The following SLC9C1 variants were observed in gnomAD, a reference collection of about 807,000 sequenced individuals.
SLC9C1 encodes the protein solute carrier family 9 member C1, also known as sodium/hydrogen exchanger 10.
Under a neutral mutation model 140.9 loss-of-function variants are expected in SLC9C1, and 97 were observed. The ratio of observed to expected loss-of-function variants is 0.69; its 90% CI spans 0.58 to 0.82. SLC9C1 has a LOEUF of 0.82. Ranked by LOEUF, SLC9C1 falls within the 40% of genes least tolerant of loss-of-function variation. The pLI, the probability that SLC9C1 is intolerant of heterozygous loss-of-function variation, is 0.00. For synonymous variants in SLC9C1, 440 were observed against 442.6 expected, an observed-to-expected ratio of 0.99 and a Z score of 0.07; for missense variants, 1,340 against 1,389.3, an observed-to-expected ratio of 0.96 and a Z score of 0.56.
chr3:112,263,195 A>G (rs2079825943), intron 9 of SLC9C1, 97 bp from the exon 10 acceptor site: 2 of 1,018,068 alleles, frequency 2.0e-6, no homozygotes, highest in Non-Finnish European at 2.7e-6. Flanking sequence ...TAGAATTCCT[A>G]ACTCTCAAAC....
chr3:112,144,684 T>C (rs565881659), intron 28 of SLC9C1, among the ~76,000 whole-genome samples: 1 of 152,238 alleles, frequency 6.6e-6, no homozygotes, highest in East Asian at 1.9e-4. Flanking sequence ...CATGTATTCC[T>C]AAGGTTTGTG....
intron 14 of SLC9C1, among the ~76,000 whole-genome samples, chr3:112,217,929 T>C (rs1305378232): frequency 6.6e-6 from 1 of 152,218 alleles, no homozygotes; most frequent in Non-Finnish European, 1.5e-5. Context: ...ACTTGCTTGC[T>C]AATCTACAAA....
At chr3:112,250,078 A>C in intron 10 of SLC9C1, among the ~76,000 whole-genome samples, 1 of 135,068 alleles carries the variant, frequency 7.4e-6, no homozygotes. Flanking sequence ...CCACCCCACA[A>C]CAGTCCCCAG....
chr3:112,160,844 C>A (rs536561993), intron 26 of SLC9C1, among the ~76,000 whole-genome samples: 50 of 152,100 alleles, frequency 3.3e-4, no homozygotes, highest in Middle Eastern at 3.4e-3. Flanking sequence ...GGAATTGCCA[C>A]ACTGACTTCC....
intron 23 of SLC9C1, among the ~76,000 whole-genome samples, chr3:112,172,080 C>T (rs1176466195): frequency 1.3e-5 from 2 of 152,058 alleles, no homozygotes; most frequent in East Asian, 3.9e-4. Flanking sequence ...ATTATAGGTC[C>T]TCTGCATTTT....
chr3:112,174,038 G>A (rs1420185232), intron 23 of SLC9C1, among the ~76,000 whole-genome samples: 1 of 152,156 alleles, frequency 6.6e-6, no homozygotes, highest in Non-Finnish European at 1.5e-5. Context: ...AATGGTTAGT[G>A]ATCGTCAGAA....
intron 23 of SLC9C1, among the ~76,000 whole-genome samples, chr3:112,177,753 A>T (rs1013985446): frequency 1.3e-4 from 20 of 150,244 alleles, no homozygotes; most frequent in African/African-American, 4.6e-4. Flanking sequence ...TAGAAAAAAA[A>T]TCACATTTGC....
intron 13 of SLC9C1, among the ~76,000 whole-genome samples, chr3:112,227,962 T>A (rs887321375): frequency 2.0e-5 from 3 of 152,004 alleles, no homozygotes; most frequent in African/African-American, 7.2e-5. Flanking sequence ...GAAGAACAAA[T>A]CTTGTTAAAA....
chr3:112,240,872 C>G (rs1219311682), intron 11 of SLC9C1, among the ~76,000 whole-genome samples: 1 of 151,860 alleles, frequency 6.6e-6, no homozygotes, highest in East Asian at 1.9e-4. Context: ...AAGCCACACA[C>G]AGAAAGACAA....
At position 112,243,304 on chromosome 3, in the gene SLC9C1, A is replaced by G. The variant is rs189327625; in HGVS notation, c.1279+691T>C. Among the ~76,000 whole-genome samples the G allele has an allele frequency of 2.6e-4, 39 of 152,356 alleles. 1 individual carries two copies. In the East Asian group the frequency reaches 7.3e-3, roughly 29 times the overall value. On this transcript the variant is annotated intron_variant, in intron 11 of 28. Transcript: ENST00000305815. ...GTGGAATGGATAAAGAAAATGTGGT[A>G]CAGATACACCATTGAATACTATGCA...
At chr3:112,220,857 G>A (rs975481768) in intron 14 of SLC9C1, among the ~76,000 whole-genome samples, 7 of 67,892 alleles carry the variant, frequency 1.0e-4, no homozygotes, top group African/African-American at 3.3e-4. Flanking sequence ...TTTGGCAGGG[G>A]GGGACAAAGA....
At chr3:112,228,448 A>C (rs920132289) in intron 13 of SLC9C1, among the ~76,000 whole-genome samples, 1 of 152,094 alleles carries the variant, frequency 6.6e-6, no homozygotes, top group African/African-American at 2.4e-5. Flanking sequence ...AACGGAGGAG[A>C]AACACTTCAA....
chr3:112,150,839 T>TAA (rs2074951402), intron 28 of SLC9C1, among the ~76,000 whole-genome samples: 1 of 44,530 alleles, frequency 2.2e-5, no homozygotes, highest in African/African-American at 1.6e-4. Context: ...TATATATATA[T>TAA]ATTTTTTTTT....
rs570266469 is a variant in SLC9C1, at chr3:112,160,992, G to A, written c.3365-5943C>T. On this transcript the variant is annotated intron_variant, in intron 26 of 28. Coordinates refer to ENST00000305815, the MANE Select transcript of SLC9C1 (RefSeq NM_183061.3). ...TGGTGTGAGATGGTATCTCATTGTG[G>A]TTTTGATTTGCATTTCTCTGATGAC... Among the ~76,000 whole-genome samples, 364 of 152,250 alleles carry A rather than the reference G, an allele frequency of 2.4e-3. 2 individuals are homozygous for A. Among genetic ancestry groups the A allele is most frequent in the African/African-American group, 8.0e-3 (332 of 41,544 alleles).
chr3:112,252,961 CA>C (rs2079505152), intron 10 of SLC9C1, among the ~76,000 whole-genome samples: 1 of 152,104 alleles, frequency 6.6e-6, no homozygotes, highest in Non-Finnish European at 1.5e-5. Flanking sequence ...AGCAGGCCAC[CA>C]TTTTTCTGTT....
intron 20 of SLC9C1, among the ~76,000 whole-genome samples, chr3:112,196,656 C>T (rs1241543594): frequency 6.6e-6 from 1 of 152,054 alleles, no homozygotes; most frequent in African/African-American, 2.4e-5. Flanking sequence ...CTCAAATCTG[C>T]CTTTGAATCC....
chr3:112,172,770 T>C (rs2077269071), intron 23 of SLC9C1, among the ~76,000 whole-genome samples: 1 of 152,158 alleles, frequency 6.6e-6, no homozygotes, highest in Admixed American at 6.5e-5. Context: ...TGTAAAATTC[T>C]CTTTGTTCTA....
intron 26 of SLC9C1, among the ~76,000 whole-genome samples, chr3:112,160,876 A>T (rs1414408463): frequency 6.6e-6 from 1 of 152,238 alleles, no homozygotes; most frequent in Non-Finnish European, 1.5e-5. Context: ...ACTAGTTTAC[A>T]GTCCCACCAA....
Position 112,263,019 on chromosome 3 carries a change from C to T in SLC9C1, c.1102G>A (p.Val368Ile). ...EFSWRWIFIM[V>I]CSEMKGMPNI... ...GGCATCCCCTTCATTTCACTACAGACCATTATGAATATCCAGCGCCAACTG... is the reference window on the plus strand; with the variant it reads ...GGCATCCCCTTCATTTCACTACAGATCATTATGAATATCCAGCGCCAACTG... The change falls in exon 10 of 29, where the codon GTC (valine) becomes ATC (isoleucine). Residue 368 changes from valine (V) to isoleucine (I), a missense_variant. Physicochemically the swap from Val to Ile is conservative, Grantham distance 29. Transcript: ENST00000305815. The T allele has an allele frequency of 1.9e-6, 3 of 1,607,616 alleles. No homozygotes were observed. The highest frequency in any genetic ancestry group is 2.5e-6 in the Non-Finnish European group (3 of 1,177,008).
Sources: allele counts gnomAD v4.1 joint callset (sites outside exome capture counted in the v4.1 genomes callset), GRCh38; gene constraint gnomAD v4.1.1; transcripts MANE v1.5; gene names NCBI Gene and HGNC (gene_info 2026-07-23, HGNC 2026-07-21).